CTNNA3: variants seen among roughly 807,000 people sequenced by gnomAD.
The protein encoded by CTNNA3 is catenin alpha-3.
Under a neutral mutation model 95.7 loss-of-function variants are expected in CTNNA3, and 76 were observed. The ratio of observed to expected loss-of-function variants is 0.79; its 90% CI spans 0.66 to 0.96. The LOEUF (loss-of-function observed/expected upper bound fraction) is 0.96, where lower values mean the gene tolerates loss of function less well. Among genes scored for constraint, CTNNA3 ranks in the 40% least tolerant of loss-of-function variants. CTNNA3 has a pLI of 0.00. For synonymous variants in CTNNA3, 431 were observed against 374.4 expected, an observed-to-expected ratio of 1.15 and a Z score of -1.74; for missense variants, 1,191 against 1,089.8, an observed-to-expected ratio of 1.09 and a Z score of -1.31.
At chr10:66,351,047 A>C (rs537978722) in intron 12 of CTNNA3, among the ~76,000 whole-genome samples, 14 of 152,094 alleles carry the variant, frequency 9.2e-5, no homozygotes, top group Non-Finnish European at 2.1e-4. Flanking sequence ...TTTTCTTTGA[A>C]AATAAAACAA....
At chr10:66,147,882 A>G (rs1027900330) in intron 13 of CTNNA3, among the ~76,000 whole-genome samples, 2 of 151,530 alleles carry the variant, frequency 1.3e-5, no homozygotes, top group African/African-American at 4.8e-5. Context: ...GTTTATAAAA[A>G]TTGAACTCTG....
intron 7 of CTNNA3, among the ~76,000 whole-genome samples, chr10:66,919,511 G>A (rs1846679097): frequency 6.6e-6 from 1 of 152,252 alleles, no homozygotes; most frequent in East Asian, 1.9e-4. Context: ...TGACGCTGCT[G>A]CATAAATGTA....
At chr10:66,168,448 C>T (rs2085253144) in intron 13 of CTNNA3, among the ~76,000 whole-genome samples, 1 of 152,122 alleles carries the variant, frequency 6.6e-6, no homozygotes, top group African/African-American at 2.4e-5. Context: ...TGTACACTAT[C>T]GTTCAGTGGT....
intron 7 of CTNNA3, among the ~76,000 whole-genome samples, chr10:66,996,980 C>T (rs1851390928): frequency 6.6e-6 from 1 of 151,918 alleles, no homozygotes; most frequent in South Asian, 2.1e-4. Context: ...GGATTAAATG[C>T]AAAAGATAAT....
chr10:65,996,667 G>C (rs2078667885), intron 15 of CTNNA3, among the ~76,000 whole-genome samples: 1 of 152,082 alleles, frequency 6.6e-6, no homozygotes. Flanking sequence ...TGGTCTGCAG[G>C]GGTCAAGGAA....
intron 1 of CTNNA3, among the ~76,000 whole-genome samples, chr10:67,721,590 A>T (rs893833843): frequency 2.0e-5 from 3 of 152,010 alleles, no homozygotes; most frequent in African/African-American, 7.2e-5. Context: ...GCTTCCTTGC[A>T]TTTGGTTAGA....
At chr10:66,559,363 A>G (rs1842483256) in intron 10 of CTNNA3, among the ~76,000 whole-genome samples, 1 of 129,788 alleles carries the variant, frequency 7.7e-6, no homozygotes. Flanking sequence ...CCTAACCTAC[A>G]CCATTTTTTT....
chr10:66,473,575 T>C (rs1589298708), intron 11 of CTNNA3, among the ~76,000 whole-genome samples: 1 of 152,142 alleles, frequency 6.6e-6, no homozygotes, highest in Non-Finnish European at 1.5e-5. Context: ...TGCAGGTTTG[T>C]TACACATGTA....
chr10:67,326,745 C>A (rs375676451), intron 5 of CTNNA3, among the ~76,000 whole-genome samples: 8 of 152,196 alleles, frequency 5.3e-5, no homozygotes, highest in African/African-American at 1.9e-4. Context: ...GGGTTCTCTG[C>A]ATTTCCTGAA....
intron 2 of CTNNA3, among the ~76,000 whole-genome samples, chr10:67,643,289 T>C (rs778859282): frequency 1.3e-5 from 2 of 151,504 alleles, no homozygotes; most frequent in Non-Finnish European, 2.9e-5. Flanking sequence ...CATGGACTCA[T>C]GGGGGGAACA....
Position 66,379,235 on chromosome 10 carries a change from A to G in CTNNA3, c.1649T>C (p.Ile550Thr). ...IRGRAARVAH[I>T]VTGEMDSYEP... is the part of the protein sequence containing the mutation. ...GTAACTGTCCATTTCACCCGTGACG[A>G]TGTGAGCAACTCTTGCTGCCCGGCC... Residue 550 changes from isoleucine to threonine, a missense_variant, in exon 12 of 18, where the codon ATC becomes ACC. By Grantham distance (89) the Ile-to-Thr change is moderately conservative. Transcript: ENST00000433211. 6.2e-7 allele frequency: 1 copy of G among 1,614,130 alleles called. No individual in the cohort carries two copies. The highest frequency in any genetic ancestry group is 1.1e-5 in the South Asian group (1 of 91,082).
intron 5 of CTNNA3, among the ~76,000 whole-genome samples, chr10:67,482,793 G>T (rs140499371): frequency 2.6e-3 from 396 of 152,194 alleles, no homozygotes; most frequent in Middle Eastern, 0.01. Flanking sequence ...ATATTGAATA[G>T]AAGTGGTGAG....
chr10:66,367,867 TAA>T (rs1564903023), intron 12 of CTNNA3, among the ~76,000 whole-genome samples: 1,364 of 54,248 alleles, frequency 0.025, 10 homozygotes, highest in Non-Finnish European at 0.037. Flanking sequence ...ATAATAATAA[TAA>T]TAATAATAAT....
chr10:65,949,007 A>G (rs2077568546), intron 17 of CTNNA3, among the ~76,000 whole-genome samples: 1 of 152,174 alleles, frequency 6.6e-6, no homozygotes, highest in African/African-American at 2.4e-5. Context: ...TCAAATTTTT[A>G]TATTTTTCTT....
chr10:66,462,650 G>A (rs2131851714), intron 11 of CTNNA3, among the ~76,000 whole-genome samples: 1 of 152,180 alleles, frequency 6.6e-6, no homozygotes, highest in South Asian at 2.1e-4. Flanking sequence ...TTAGCTCCCA[G>A]TGTATATGTT....
At chr10:67,605,246 C>T (rs1843226136) in intron 3 of CTNNA3, among the ~76,000 whole-genome samples, 1 of 152,124 alleles carries the variant, frequency 6.6e-6, no homozygotes. Flanking sequence ...GAACATCATG[C>T]TAAGTGGAAT....
chr10:66,943,296 T>A (rs907433324), intron 7 of CTNNA3, among the ~76,000 whole-genome samples: 6 of 146,732 alleles, frequency 4.1e-5, no homozygotes, highest in Non-Finnish European at 1.5e-5. Context: ...CATTAGTTAA[T>A]TAGTTAGTTA....
At chr10:66,608,969 CA>C (rs1319069313) in intron 10 of CTNNA3, among the ~76,000 whole-genome samples, 1 of 151,984 alleles carries the variant, frequency 6.6e-6, no homozygotes, top group Non-Finnish European at 1.5e-5. Context: ...AGCTTCCGCA[CA>C]ACAGAAGAAA....
intron 15 of CTNNA3, among the ~76,000 whole-genome samples, chr10:65,999,441 C>A (rs190550855): frequency 1.8e-4 from 27 of 152,102 alleles, no homozygotes; most frequent in Admixed American, 1.8e-3. Context: ...AGGGAAATTA[C>A]CTCTAGTTTT....
Sources: gnomAD v4.1 joint callset for allele counts (sites outside exome capture counted in the v4.1 genomes callset) on GRCh38, gnomAD v4.1.1 for gene constraint, MANE v1.5 for transcripts, NCBI Gene and HGNC (gene_info 2026-07-23, HGNC 2026-07-21) for gene names.